MBOAT1: variants seen among roughly 807,000 people sequenced by gnomAD.
MBOAT1 encodes membrane-bound glycerophospholipid O-acyltransferase 1.
Under a neutral mutation model 64.4 loss-of-function variants are expected in MBOAT1, and 67 were observed. That is an observed-to-expected ratio of 1.04 (90% CI 0.85 to 1.27). The LOEUF (loss-of-function observed/expected upper bound fraction) is 1.27. Ranked by LOEUF, MBOAT1 falls within the 50% of genes most tolerant of loss-of-function variation. The pLI is 0.00. For synonymous variants in MBOAT1, 229 were observed against 218.9 expected (o/e 1.05, Z -0.41); for missense variants, 563 against 604.6 (o/e 0.93, Z 0.72).
In MBOAT1 at chr6:20,212,139, G is replaced by A. The variant is rs144286877; in HGVS notation, c.96C>T (p.Asp32=). ...PLSELLGIPL[D]QVNFVVCQLV... ...TGCGCTCCCGGCCTGCAGTTACCTG[G>A]TCCAGCGGGATGCCCAGGAGCTCGC... Residue 32 remains aspartate, a synonymous_variant, in exon 1 of 13, where the codon GAC becomes GAT. Coordinates refer to ENST00000324607, the MANE Select transcript of MBOAT1 (RefSeq NM_001080480.3). 27,591 of 1,613,164 alleles carry A rather than the reference G, an allele frequency of 0.017. 300 individuals carry two copies. The highest frequency in any genetic ancestry group is 0.019 in the Non-Finnish European group (22,750 of 1,179,562).
At chr6:20,104,289 C>T (rs551634681) in intron 12 of MBOAT1, among the ~76,000 whole-genome samples, 1 of 152,292 alleles carries the variant, frequency 6.6e-6, no homozygotes, top group African/African-American at 2.4e-5. Flanking sequence ...TGACTGTATT[C>T]TATTCCTTAA....
chr6:20,150,119 G>A (rs1407859488), intron 3 of MBOAT1, among the ~76,000 whole-genome samples: 2 of 152,148 alleles, frequency 1.3e-5, no homozygotes, highest in African/African-American at 2.4e-5. Context: ...ATGTGAAACA[G>A]AGACCATGCA....
At chr6:20,160,985 C>G (rs1761837306) in intron 1 of MBOAT1, among the ~76,000 whole-genome samples, 1 of 152,188 alleles carries the variant, frequency 6.6e-6, no homozygotes, top group South Asian at 2.1e-4. Flanking sequence ...CAGGGGTTCC[C>G]AACCCCCCGG....
chr6:20,109,901 A>AT (rs756853889), intron 11 of MBOAT1, 152 bp from the exon 12 acceptor site: 4,184 of 299,116 alleles, frequency 0.014, 140 homozygotes, highest in South Asian at 0.039. Flanking sequence ...TACCATCAGG[A>AT]CTTTTTTTTT....
chr6:20,105,431 C>G (rs144753365), intron 12 of MBOAT1, among the ~76,000 whole-genome samples: 47 of 152,330 alleles, frequency 3.1e-4, no homozygotes, highest in African/African-American at 1.1e-3. Flanking sequence ...AGGGTTCCTG[C>G]TCTCAAGGAG....
chr6:20,124,517 G>A lies in MBOAT1; in HGVS notation c.798C>T (p.Cys266=). 1.9e-6 allele frequency: 3 copies of A among 1,614,186 alleles called. No individual in the cohort carries two copies. The highest frequency in any genetic ancestry group is 1.1e-5 in the South Asian group (1 of 91,068). ...LTLTKTFPVT[C]LVDDWFVHKA... ...TATGGACAAACCAGTCATCCACAAG[G>A]CAGGTGACAGGAAAGGTCTTCGTTA... is the stretch of plus-strand genomic sequence containing the variant. Residue 266 remains cysteine (C), a synonymous_variant, in exon 8 of 13, where the codon TGC becomes TGT. Coordinates refer to ENST00000324607, the MANE Select transcript of MBOAT1 (RefSeq NM_001080480.3).
chr6:20,185,656 G>A (rs559989629), intron 1 of MBOAT1, among the ~76,000 whole-genome samples: 4 of 152,264 alleles, frequency 2.6e-5, no homozygotes, highest in Admixed American at 6.5e-5. Flanking sequence ...TGTGGAGAAC[G>A]CTGGCTAATA....
chr6:20,151,088 G>A, intron 3 of MBOAT1, 97 bp downstream of exon 3: 1 of 868,428 alleles, frequency 1.2e-6, no homozygotes, highest in Non-Finnish European at 1.8e-6. Flanking sequence ...ACCACTTGTG[G>A]AAAATGGGTA....
chr6:20,167,925 A>G (rs1461269234), intron 1 of MBOAT1, among the ~76,000 whole-genome samples: 2 of 152,226 alleles, frequency 1.3e-5, no homozygotes, highest in African/African-American at 4.8e-5. Context: ...AGTGGCAAGG[A>G]GAAAAGCTCA....
chr6:20,188,845 C>T (rs953055618), intron 1 of MBOAT1, among the ~76,000 whole-genome samples: 1 of 152,134 alleles, frequency 6.6e-6, no homozygotes, highest in Non-Finnish European at 1.5e-5. Flanking sequence ...CTTAGGCAAG[C>T]CCCCTGTGCA....
chr6:20,110,165 G>A (rs1581394632), intron 11 of MBOAT1, among the ~76,000 whole-genome samples: 1 of 150,612 alleles, frequency 6.6e-6, no homozygotes, highest in Admixed American at 6.6e-5. Flanking sequence ...CACCTTGGCC[G>A]CCCAAAGTGC....
intron 1 of MBOAT1, among the ~76,000 whole-genome samples, chr6:20,197,874 G>A (rs1187957790): frequency 6.6e-6 from 1 of 151,732 alleles, no homozygotes; most frequent in Non-Finnish European, 1.5e-5. Flanking sequence ...TCCACACCTG[G>A]CTATCTCTAC....
chr6:20,192,935 A>G (rs750537393), intron 1 of MBOAT1, among the ~76,000 whole-genome samples: 1 of 150,826 alleles, frequency 6.6e-6, no homozygotes, highest in Non-Finnish European at 1.5e-5. Context: ...CCCAAACATC[A>G]ATTACACAAC....
intron 1 of MBOAT1, among the ~76,000 whole-genome samples, chr6:20,154,176 T>C (rs1411448156): frequency 1.3e-5 from 2 of 152,224 alleles, no homozygotes; most frequent in African/African-American, 4.8e-5. Flanking sequence ...AAACAATACT[T>C]TGGACCCTTT....
chr6:20,198,981 T>C (rs1244160431), intron 1 of MBOAT1, among the ~76,000 whole-genome samples: 2 of 152,250 alleles, frequency 1.3e-5, no homozygotes, highest in African/African-American at 4.8e-5. Flanking sequence ...CGTACCTACA[T>C]ACTAGTGTCA....
At chr6:20,152,339 T>A (rs56213246) in intron 2 of MBOAT1, among the ~76,000 whole-genome samples, 183 of 136,026 alleles carry the variant, frequency 1.3e-3, no homozygotes, top group African/African-American at 2.3e-3. Context: ...AAAAAAAAAA[T>A]AAAAAATAAA....
intron 3 of MBOAT1, among the ~76,000 whole-genome samples, chr6:20,144,683 C>T (rs1025963128): frequency 1.3e-5 from 2 of 152,234 alleles, no homozygotes; most frequent in African/African-American, 4.8e-5. Flanking sequence ...AGATTCTCCT[C>T]TTCACAGCCC....
At chr6:20,203,511 T>C (rs1763178548) in intron 1 of MBOAT1, among the ~76,000 whole-genome samples, 1 of 152,196 alleles carries the variant, frequency 6.6e-6, no homozygotes, top group African/African-American at 2.4e-5. Context: ...CCTAATTCAG[T>C]TGGTAAAAAG....
At chr6:20,209,529 C>T (rs1763359142) in intron 1 of MBOAT1, among the ~76,000 whole-genome samples, 2 of 152,174 alleles carry the variant, frequency 1.3e-5, no homozygotes, top group Admixed American at 1.3e-4. Flanking sequence ...TAATAAACTA[C>T]TTGACACAGG....
Sources: allele counts gnomAD v4.1 joint callset (sites outside exome capture counted in the v4.1 genomes callset), GRCh38; gene constraint gnomAD v4.1.1; transcripts MANE v1.5; gene names NCBI Gene and HGNC (gene_info 2026-07-23, HGNC 2026-07-21).